Variants in DHX15 observed in about 807,000 individuals in gnomAD.
DHX15 encodes the protein DEAH-box helicase 15, also known as ATP-dependent RNA helicase DHX15.
DHX15 carries 11 observed loss-of-function variants against 94.4 expected under a neutral mutation model. The observed-to-expected ratio is 0.12, with a 90% CI of 0.07 to 0.19. The LOEUF (loss-of-function observed/expected upper bound fraction) is 0.19, where lower values mean the gene tolerates loss of function less well. Among genes scored for constraint, DHX15 ranks in the 10% least tolerant of loss-of-function variants. The pLI, the probability that DHX15 is intolerant of heterozygous loss-of-function variation, is 1.00. For synonymous variants in DHX15, 338 were observed against 329.9 expected (o/e 1.02, Z -0.27); for missense variants, 304 against 988.5 (o/e 0.31, Z 9.29).
intron 12 of DHX15, among the ~76,000 whole-genome samples, chr4:24,531,706 T>C (rs774034175): frequency 4.0e-5 from 6 of 151,758 alleles, no homozygotes; most frequent in African/African-American, 7.3e-5. Context: ...GAGTGAGACA[T>C]TGCCTCCCTC....
chr4:24,547,328 T>C (rs573675289), intron 6 of DHX15, among the ~76,000 whole-genome samples: 85 of 152,344 alleles, frequency 5.6e-4, no homozygotes, highest in Middle Eastern at 6.8e-3. Flanking sequence ...GTGGCCATCA[T>C]CACATATCCA....
chr4:24,571,684 A>G (rs1321675300), intron 2 of DHX15, among the ~76,000 whole-genome samples: 1 of 152,206 alleles, frequency 6.6e-6, no homozygotes, highest in Non-Finnish European at 1.5e-5. Flanking sequence ...CAAAGCTTCC[A>G]AACGCCTATC....
intron 1 of DHX15, among the ~76,000 whole-genome samples, chr4:24,581,099 C>T (rs1490423723): frequency 6.6e-6 from 1 of 151,230 alleles, no homozygotes; most frequent in Non-Finnish European, 1.5e-5. Flanking sequence ...GGCACAATCT[C>T]GGCTCACTGC....
At chr4:24,541,672 G>A (rs750052404) in intron 8 of DHX15, among the ~76,000 whole-genome samples, 2 of 152,012 alleles carry the variant, frequency 1.3e-5, no homozygotes, top group Non-Finnish European at 2.9e-5. Context: ...GTGGGAGGGG[G>A]AGGGTCTTGG....
At position 24,559,804 on chromosome 4, in the gene DHX15, T is replaced by TTA. The variant is rs1721823441; in HGVS notation, c.702-3396_702-3395dup. Among the ~76,000 whole-genome samples the TTA allele has an allele frequency of 1.3e-5, 2 of 152,178 alleles. 1 individual carries two copies. Among genetic ancestry groups the TTA allele is most frequent in the South Asian group, 4.1e-4 (2 of 4,832 alleles). On this transcript the variant is annotated intron_variant, in intron 3 of 13. Coordinates refer to ENST00000336812, the MANE Select transcript of DHX15 (RefSeq NM_001358.3). The stretch of plus-strand genomic sequence containing the variant: ...AACTTGAGTCTCATCTCAGATCTAC[T>TTA]TAATCAGAAATTTTGAAGGTGAGGC...
At chr4:24,550,110 A>ACGG in intron 5 of DHX15, among the ~76,000 whole-genome samples, 1 of 147,112 alleles carries the variant, frequency 6.8e-6, no homozygotes, top group Non-Finnish European at 1.5e-5. Flanking sequence ...AAAAAAAAAA[A>ACGG]AAAAAAAAAA....
chr4:24,537,232 C>T lies in DHX15; in HGVS notation c.1787-59G>A. ...CCCATATCGATGAGTCACGCATTCA[C>T]AGATAGAGGAACAAGGCCTAGCTAG... On this transcript the variant is annotated intron_variant, in intron 10 of 13. Transcript: ENST00000336812. The surrounding 1 kb of genome is among the most constrained non-coding windows in gnomAD (Gnocchi z 4.7). The T allele has an allele frequency of 6.2e-7, 1 of 1,605,930 alleles. No individual in the cohort carries two copies. The highest frequency in any genetic ancestry group is 8.5e-7 in the Non-Finnish European group (1 of 1,175,432).
intron 1 of DHX15, among the ~76,000 whole-genome samples, chr4:24,579,314 G>C (rs936386856): frequency 6.6e-6 from 1 of 152,214 alleles, no homozygotes; most frequent in Admixed American, 6.5e-5. Flanking sequence ...CCTTCGATGA[G>C]AGAGGGAGTA....
intron 5 of DHX15, among the ~76,000 whole-genome samples, chr4:24,554,035 G>A (rs1395137186): frequency 2.0e-5 from 3 of 151,576 alleles, no homozygotes; most frequent in Non-Finnish European, 4.4e-5. Context: ...TGGCTAAAAC[G>A]GTGAAACCCT....
chr4:24,565,398 T>G (rs1322510399), intron 3 of DHX15, among the ~76,000 whole-genome samples: 1 of 152,250 alleles, frequency 6.6e-6, no homozygotes. Flanking sequence ...TTATCCTTTA[T>G]TCCCACCTCT....
chr4:24,550,791 A>C (rs2109404008), intron 5 of DHX15, among the ~76,000 whole-genome samples: 1 of 152,370 alleles, frequency 6.6e-6, no homozygotes, highest in South Asian at 2.1e-4. Context: ...TAGTATAGTA[A>C]ATACAAAAAC....
At chr4:24,549,171 A>G in intron 5 of DHX15, 149 bp from the exon 6 acceptor site, 1 of 593,384 alleles carries the variant, frequency 1.7e-6, no homozygotes, top group East Asian at 3.0e-5. Context: ...AAACTAATTT[A>G]GCAAATTTCA....
At chr4:24,546,907 CA>C (rs1034585904) in intron 6 of DHX15, among the ~76,000 whole-genome samples, 1 of 151,692 alleles carries the variant, frequency 6.6e-6, no homozygotes, top group African/African-American at 2.4e-5. Context: ...AACAGTTTAA[CA>C]AAAAAATCAA....
At chr4:24,561,748 T>C (rs78957859) in intron 3 of DHX15, among the ~76,000 whole-genome samples, 3 of 152,002 alleles carry the variant, frequency 2.0e-5, no homozygotes, top group African/African-American at 7.3e-5. Context: ...TGAGTAAATA[T>C]GCACACAAAG....
In DHX15 at chr4:24,557,561, T is replaced by C. The variant is rs116609267; in HGVS notation, c.702-1151A>G. ...ATTTCACCTAAACTTAATTCTAAATTTCATAAACTATTGGCAAACAAATCC... is the reference window on the plus strand; with the variant it reads ...ATTTCACCTAAACTTAATTCTAAATCTCATAAACTATTGGCAAACAAATCC... On this transcript the variant is annotated intron_variant, in intron 3 of 13. Transcript: ENST00000336812. 8.4e-3 allele frequency among the ~76,000 whole-genome samples: 1,275 copies of C among 152,258 alleles called. 8 individuals carry two copies. Among genetic ancestry groups the C allele is most frequent in the Admixed American group, 0.016 (245 of 15,286 alleles).
At chr4:24,556,753 C>A (rs962217101) in intron 3 of DHX15, among the ~76,000 whole-genome samples, 1 of 152,144 alleles carries the variant, frequency 6.6e-6, no homozygotes, top group African/African-American at 2.4e-5. Context: ...CTTTTAAAAA[C>A]ATACAAATAT....
rs1020300198 is a variant in DHX15 at position 24,548,264 on chromosome 4, T to G, written c.1248+591A>C. Among the ~76,000 whole-genome samples the G allele has an allele frequency of 4.5e-4, 68 of 150,554 alleles. 1 individual carries two copies. The highest frequency in any genetic ancestry group is 1.6e-3 in the African/African-American group (66 of 41,034). ...TTCAAGCGATTCTCCTGCCTCTGCCTCCTGAGTAGCTGGAATTACAGGCAC... is the reference window on the plus strand; with the variant it reads ...TTCAAGCGATTCTCCTGCCTCTGCCGCCTGAGTAGCTGGAATTACAGGCAC... On this transcript the variant is annotated intron_variant, in intron 6 of 13. Transcript: ENST00000336812.
intron 3 of DHX15, among the ~76,000 whole-genome samples, chr4:24,561,713 A>AT (rs1721875641): frequency 6.6e-6 from 1 of 152,160 alleles, no homozygotes; most frequent in African/African-American, 2.4e-5. Context: ...CAAATACCTC[A>AT]TGTTCTCAGT....
intron 13 of DHX15, among the ~76,000 whole-genome samples, chr4:24,528,616 C>T (rs1252655549): frequency 6.6e-6 from 1 of 152,070 alleles, no homozygotes; most frequent in Non-Finnish European, 1.5e-5. Flanking sequence ...CAATATAAAG[C>T]GGTGACAGCA....
Sources: gnomAD v4.1 joint callset for allele counts (sites outside exome capture counted in the v4.1 genomes callset) on GRCh38, gnomAD v4.1.1 for gene constraint, Gnocchi (gnomAD v3.1) non-coding constraint, MANE v1.5 for transcripts, NCBI Gene and HGNC (gene_info 2026-07-23, HGNC 2026-07-21) for gene names.